The following HMG20A variants were observed in gnomAD, a reference collection of about 807,000 sequenced individuals.
HMG20A encodes the protein high mobility group protein 20A.
Under a neutral mutation model 43.9 loss-of-function variants are expected in HMG20A, and 17 were observed. That is an observed-to-expected ratio of 0.39 (90% CI 0.27 to 0.58). The LOEUF (loss-of-function observed/expected upper bound fraction) is 0.58. Among genes scored for constraint, HMG20A ranks in the 20% least tolerant of loss-of-function variants. The probability of loss-of-function intolerance (pLI) is 0.59; values close to 1 mark genes in which losing one functional copy is unlikely to be tolerated. For synonymous variants in HMG20A, 132 were observed against 147.5 expected (o/e 0.89, Z 0.76); for missense variants, 341 against 438.2 (o/e 0.78, Z 1.98).
the HMG20A span, among the ~76,000 whole-genome samples, chr15:77,506,942 C>T: frequency 6.6e-6 from 1 of 152,220 alleles, no homozygotes; most frequent in Non-Finnish European, 1.5e-5. Flanking sequence ...TGCTATGTGT[C>T]CACTTGACTA....
chr15:77,515,228 T>C, the HMG20A span, among the ~76,000 whole-genome samples: 27 of 151,880 alleles, frequency 1.8e-4, no homozygotes, highest in Admixed American at 1.7e-3. Flanking sequence ...CAATAGACAG[T>C]GGTGGAGACT....
At position 77,472,889 on chromosome 15, in the gene HMG20A, C is replaced by T. The variant is rs113250240; in HGVS notation, c.615+1075C>T. ...TGGTTGTAATGTCTTTGTGGACATA[C>T]ACAGTCTAGTTTCCATCTTTATATC... On this transcript the variant is annotated intron_variant, in intron 6 of 9. Coordinates refer to ENST00000336216, the MANE Select transcript of HMG20A (RefSeq NM_001304504.2). 7.6e-3 allele frequency among the ~76,000 whole-genome samples: 1,158 copies of T among 152,328 alleles called. 15 individuals are homozygous for T. Among genetic ancestry groups the T allele is most frequent in the African/African-American group, 0.027 (1,105 of 41,582 alleles).
downstream of HMG20A, among the ~76,000 whole-genome samples, chr15:77,489,598 CAAGT>C (rs1271754331): frequency 2.6e-5 from 4 of 152,176 alleles, no homozygotes; most frequent in Non-Finnish European, 5.9e-5. Context: ...AGACTACAAA[CAAGT>C]AACCTAACAA....
chr15:77,495,385 T>C, the HMG20A span, among the ~76,000 whole-genome samples: 1 of 152,114 alleles, frequency 6.6e-6, no homozygotes. Context: ...CTGTCTCTAC[T>C]AAAAATACAA....
chr15:77,431,010 C>A (rs996347899), intron 1 of HMG20A, among the ~76,000 whole-genome samples: 1 of 152,026 alleles, frequency 6.6e-6, no homozygotes, highest in African/African-American at 2.4e-5. Context: ...AGAATAAATA[C>A]AAGGAGTACC....
downstream of HMG20A, among the ~76,000 whole-genome samples, chr15:77,490,228 C>T (rs1469122109): frequency 2.0e-5 from 3 of 152,128 alleles, no homozygotes; most frequent in East Asian, 5.8e-4. Flanking sequence ...GTGGGGGTTG[C>T]AGTGAGCCAA....
At chr15:77,517,295 C>T in the HMG20A span, among the ~76,000 whole-genome samples, 1 of 152,126 alleles carries the variant, frequency 6.6e-6, no homozygotes, top group Non-Finnish European at 1.5e-5. Context: ...ATCTCGTGGT[C>T]TACATGGGTT....
chr15:77,470,726 T>A (rs930791820), intron 4 of HMG20A, among the ~76,000 whole-genome samples, 184 bp from the exon 5 acceptor site: 1 of 152,242 alleles, frequency 6.6e-6, no homozygotes, highest in Non-Finnish European at 1.5e-5. Context: ...TTTACTTTTA[T>A]AATTGAGAGG....
chr15:77,449,861 G>T (rs574380526), intron 1 of HMG20A, among the ~76,000 whole-genome samples: 1 of 152,158 alleles, frequency 6.6e-6, no homozygotes, highest in Non-Finnish European at 1.5e-5. Flanking sequence ...TGGACAGTCT[G>T]TGAGTTTTGA....
At chr15:77,425,419 C>T (rs1216360318) in intron 1 of HMG20A, among the ~76,000 whole-genome samples, 2 of 152,160 alleles carry the variant, frequency 1.3e-5, no homozygotes, top group Admixed American at 6.5e-5. Context: ...TTATGCCCAG[C>T]ATCAGCACAA....
At chr15:77,475,523 C>T (rs912137144) in intron 6 of HMG20A, among the ~76,000 whole-genome samples, 13 of 152,192 alleles carry the variant, frequency 8.5e-5, no homozygotes, top group Admixed American at 5.2e-4. Flanking sequence ...GGGAGCCAAG[C>T]GTCTCCACTT....
At chr15:77,443,379 G>GATTATTATTATTATT (rs58715798) in intron 1 of HMG20A, among the ~76,000 whole-genome samples, 1,348 of 131,284 alleles carry the variant, frequency 0.01, 10 homozygotes, top group Non-Finnish European at 0.016. Flanking sequence ...TGATGATGAT[G>GATTATTATTATTATT]ATTATTATTA....
chr15:77,468,239 CTTTTT>C (rs1258990122), intron 4 of HMG20A, among the ~76,000 whole-genome samples: 1 of 151,968 alleles, frequency 6.6e-6, no homozygotes, highest in Middle Eastern at 3.4e-3. Flanking sequence ...CTATTCTTTT[CTTTTT>C]TTTCTTTATT....
chr15:77,423,921 A>G (rs765797273), intron 1 of HMG20A, among the ~76,000 whole-genome samples: 9 of 152,212 alleles, frequency 5.9e-5, no homozygotes, highest in South Asian at 4.1e-4. Flanking sequence ...AGGTATTCAA[A>G]TGAGAATACC....
chr15:77,463,287 T>C (rs1398766566), intron 2 of HMG20A, among the ~76,000 whole-genome samples: 2 of 152,182 alleles, frequency 1.3e-5, no homozygotes, highest in African/African-American at 2.4e-5. Context: ...CCTCCATACA[T>C]ATAAAATTCA....
rs530377685 is a variant in HMG20A at position 77,464,998 on chromosome 15, GCC to G, written c.237+612_237+613del. Among the ~76,000 whole-genome samples the G allele has an allele frequency of 3.8e-4, 58 of 151,648 alleles. 1 individual carries two copies. The East Asian group carries it at 0.01, about 27-fold the overall frequency. On this transcript the variant is annotated intron_variant, in intron 3 of 9. Transcript: ENST00000336216. The stretch of plus-strand genomic sequence containing the variant: ...AAGCTGGCCGGGCATGGTAGCTCAT[GCC>G]TGTAATCCTAGCACTTTGGGATGCC...
the HMG20A span, among the ~76,000 whole-genome samples, chr15:77,493,401 G>T: frequency 6.6e-6 from 1 of 152,144 alleles, no homozygotes; most frequent in Admixed American, 6.5e-5. Flanking sequence ...CAGGGACCTG[G>T]AGCAGGGAAA....
rs1204751708 is a variant in HMG20A at position 77,450,202 on chromosome 15, T to C, written c.-4-8202T>C. ...TGGAGTGCAGTGGCACGATCTCGGC[T>C]CACTGCAAGCTCTGCCTCCAGGGTT... On this transcript the variant is annotated intron_variant, in intron 1 of 9. Coordinates refer to ENST00000336216, the MANE Select transcript of HMG20A (RefSeq NM_001304504.2). 9.9e-5 allele frequency among the ~76,000 whole-genome samples: 15 copies of C among 152,272 alleles called. No homozygotes were observed. The East Asian group carries it at 2.9e-3, about 29-fold the overall frequency.
chr15:77,496,918 C>T, the HMG20A span, among the ~76,000 whole-genome samples: 40 of 152,234 alleles, frequency 2.6e-4, no homozygotes, highest in African/African-American at 8.4e-4. Flanking sequence ...GGCCTTATTT[C>T]GCAAGAGAGT....
Sources: allele counts gnomAD v4.1 joint callset (sites outside exome capture counted in the v4.1 genomes callset), GRCh38; gene constraint gnomAD v4.1.1; transcripts MANE v1.5; gene names NCBI Gene and HGNC (gene_info 2026-07-23, HGNC 2026-07-21).